Variants in RASGEF1C observed in about 807,000 individuals in gnomAD.
RASGEF1C encodes ras-GEF domain-containing family member 1C.
Under a neutral mutation model 58.1 loss-of-function variants are expected in RASGEF1C, and 27 were observed. The ratio of observed to expected loss-of-function variants is 0.46; its 90% confidence interval spans 0.34 to 0.64. The LOEUF is 0.64. Ranked by LOEUF, RASGEF1C falls within the 30% of genes least tolerant of loss-of-function variation. RASGEF1C has a pLI of 0.01. For missense variants in RASGEF1C, 502 were observed against 605.1 expected (o/e 0.83, Z 1.79); for synonymous variants, 243 against 246.3 (o/e 0.99, Z 0.13).
intron 1 of RASGEF1C, among the ~76,000 whole-genome samples, chr5:180,203,422 G>A (rs955791187): frequency 1.3e-5 from 2 of 152,172 alleles, no homozygotes; most frequent in African/African-American, 4.8e-5. Context: ...CTAACAAGTT[G>A]AGGTTGGCCT....
At chr5:180,109,715 G>T (rs373317882) in intron 12 of RASGEF1C, among the ~76,000 whole-genome samples, 21 of 152,248 alleles carry the variant, frequency 1.4e-4, no homozygotes, top group African/African-American at 4.8e-4. Context: ...TGGAAGGAGA[G>T]ATTGGAGTGA....
chr5:180,187,188 A>G (rs564956389), intron 1 of RASGEF1C, among the ~76,000 whole-genome samples: 1 of 152,324 alleles, frequency 6.6e-6, no homozygotes, highest in South Asian at 2.1e-4. Context: ...AACAGTCTCT[A>G]TGTTGCTGGG....
In RASGEF1C at chr5:180,177,210, G is replaced by C. The variant is rs562611845; in HGVS notation, c.-7+31818C>G. Among the ~76,000 whole-genome samples, 6 of 152,308 alleles carry C rather than the reference G, an allele frequency of 3.9e-5. No homozygotes were observed. The East Asian group carries it at 1.2e-3, about 29-fold the overall frequency. Reference sequence around the variant, plus strand: ...TTCCAGAAACGTCCAGCCGAGTAGAGGATGCATTCAAACCATGTGCACATC... The same window carrying C: ...TTCCAGAAACGTCCAGCCGAGTAGACGATGCATTCAAACCATGTGCACATC... On this transcript the variant is annotated intron_variant, in intron 1 of 13. Coordinates refer to ENST00000361132, the MANE Select transcript of RASGEF1C (RefSeq NM_175062.4). This position sits in a 1 kb window ranked among gnomAD's most constrained non-coding sequence, Gnocchi z 5.0.
chr5:180,116,122 C>A (rs1201578787), intron 10 of RASGEF1C, among the ~76,000 whole-genome samples: 1 of 152,194 alleles, frequency 6.6e-6, no homozygotes, highest in Non-Finnish European at 1.5e-5. Flanking sequence ...CTTCTCACCC[C>A]TTCCGCCATG....
chr5:180,109,810 C>T lies in RASGEF1C; in HGVS notation c.1303+1647G>A, dbSNP rs113367805. Among the ~76,000 whole-genome samples the T allele has an allele frequency of 2.9e-3, 444 of 152,352 alleles. 2 individuals are homozygous for T. Among genetic ancestry groups the T allele is most frequent in the African/African-American group, 0.01 (419 of 41,584 alleles). On this transcript the variant is annotated intron_variant, in intron 12 of 13. Coordinates refer to ENST00000361132, the MANE Select transcript of RASGEF1C (RefSeq NM_175062.4). The stretch of plus-strand genomic sequence containing the variant: ...TGAAAAGGCCAGGAAATAGATTCTC[C>T]TCTCAGGGCCTCCAGAAGAAACCAG...
At chr5:180,131,216 T>C (rs1003735907) in intron 4 of RASGEF1C, among the ~76,000 whole-genome samples, 2 of 152,198 alleles carry the variant, frequency 1.3e-5, no homozygotes, top group African/African-American at 4.8e-5. Context: ...AATGCCTCCA[T>C]GGCTTGTGCA....
chr5:180,165,416 T>A (rs1397959925), intron 1 of RASGEF1C, among the ~76,000 whole-genome samples: 4 of 152,146 alleles, frequency 2.6e-5, no homozygotes, highest in Non-Finnish European at 4.4e-5. Context: ...ACTCCTGTAA[T>A]CCCAGCACTT....
rs1003816099 is a variant in RASGEF1C at position 180,174,524 on chromosome 5, G to A, written c.-7+34504C>T. On this transcript the variant is annotated intron_variant, in intron 1 of 13. Coordinates refer to ENST00000361132, the MANE Select transcript of RASGEF1C (RefSeq NM_175062.4). ...TCTGTGTGTGCGTGCGCGTACACAC[G>A]TGTGTCTCTGTGTGTGCGTGTGTGC... Among the ~76,000 whole-genome samples the A allele has an allele frequency of 7.0e-5, 9 of 128,414 alleles. No homozygotes were observed. In the South Asian group the frequency reaches 1.3e-3, roughly 19 times the overall value. The allele number at this position is 128,414 out of a possible 152,430, so 84.2% of individuals were successfully genotyped here. A position where few individuals can be genotyped will look rare whatever the true frequency, so the allele number is the denominator to read the frequency against.
intron 4 of RASGEF1C, among the ~76,000 whole-genome samples, chr5:180,130,815 G>T (rs545200865): frequency 6.6e-6 from 1 of 152,186 alleles, no homozygotes; most frequent in African/African-American, 2.4e-5. Context: ...GTCTCCCTCT[G>T]ATCTCCAGAG....
intron 1 of RASGEF1C, among the ~76,000 whole-genome samples, chr5:180,171,525 C>T (rs540663928): frequency 6.6e-6 from 1 of 152,252 alleles, no homozygotes; most frequent in East Asian, 1.9e-4. Context: ...TGTGGATTGT[C>T]TGTTCCAGGG....
intron 8 of RASGEF1C, 117 bp downstream of exon 8, chr5:180,119,229 G>A (rs539643201): frequency 7.5e-5 from 66 of 885,886 alleles, no homozygotes; most frequent in African/African-American, 1.3e-4. Flanking sequence ...CCCGGCCCAC[G>A]CCCTCCCGCT....
intron 1 of RASGEF1C, among the ~76,000 whole-genome samples, chr5:180,170,484 A>G (rs1411623501): frequency 1.3e-5 from 2 of 152,078 alleles, no homozygotes; most frequent in Non-Finnish European, 1.5e-5. Flanking sequence ...TCAACTCCCC[A>G]CGCCCCAGCC....
At chr5:180,121,221 G>T in intron 6 of RASGEF1C, 72 bp from the exon 7 acceptor site, 1 of 1,029,588 alleles carries the variant, frequency 9.7e-7, no homozygotes, top group Non-Finnish European at 1.5e-6. Context: ...CATGAAGTCA[G>T]TTCATGATCC....
intron 1 of RASGEF1C, among the ~76,000 whole-genome samples, chr5:180,190,347 G>A (rs6876260): frequency 0.56 from 84,634 of 150,978 alleles, 24,485 homozygotes; most frequent in East Asian, 0.67. Flanking sequence ...AAAATTAGCC[G>A]GGCGTGGTGG....
intron 4 of RASGEF1C, among the ~76,000 whole-genome samples, chr5:180,128,868 G>A (rs1033422249): frequency 3.3e-5 from 5 of 152,092 alleles, no homozygotes; most frequent in Admixed American, 3.3e-4. Context: ...GAGCCAAGAG[G>A]AGCACACATC....
intron 1 of RASGEF1C, among the ~76,000 whole-genome samples, chr5:180,199,035 C>T (rs2127563933): frequency 6.6e-6 from 1 of 152,224 alleles, no homozygotes; most frequent in Non-Finnish European, 1.5e-5. Context: ...TACCCAGGCC[C>T]CTAGTGGTCT....
At chr5:180,200,558 C>T (rs1241345955) in intron 1 of RASGEF1C, among the ~76,000 whole-genome samples, 1 of 151,846 alleles carries the variant, frequency 6.6e-6, no homozygotes, top group East Asian at 1.9e-4. Context: ...TGTGATCCGC[C>T]CACCTCGGCT....
intron 7 of RASGEF1C, among the ~76,000 whole-genome samples, chr5:180,120,670 C>T (rs1766152176): frequency 6.6e-6 from 1 of 152,216 alleles, no homozygotes; most frequent in Admixed American, 6.5e-5. Flanking sequence ...GTGCATCTCC[C>T]AGTGCTCAAA....
chr5:180,197,801 C>G lies in RASGEF1C; in HGVS notation c.-7+11227G>C, dbSNP rs1258985112. Among the ~76,000 whole-genome samples the G allele has an allele frequency of 5.9e-5, 9 of 152,240 alleles. No individual in the cohort carries two copies. The highest frequency in any genetic ancestry group is 2.6e-4 in the Admixed American group (4 of 15,286). On this transcript the variant is annotated intron_variant, in intron 1 of 13. Transcript: ENST00000361132. The surrounding 1 kb of genome is among the most constrained non-coding windows in gnomAD (Gnocchi z 4.7). ...TTAGCCAGATTGGCACTTTTGAACA[C>G]TGTCTGGATTTTAAAACAAACAACT... is the stretch of plus-strand genomic sequence containing the variant.
Sources: allele counts gnomAD v4.1 joint callset (sites outside exome capture counted in the v4.1 genomes callset), GRCh38; gene constraint gnomAD v4.1.1; non-coding constraint Gnocchi (gnomAD v3.1); transcripts MANE v1.5; gene names NCBI Gene and HGNC (gene_info 2026-07-23, HGNC 2026-07-21).